The following WDFY4 variants were observed in gnomAD, a reference collection of about 807,000 sequenced individuals.
The protein encoded by WDFY4 is WD repeat- and FYVE domain-containing protein 4.
In WDFY4, 169 loss-of-function variants were observed where a neutral mutation model predicts 351.9. That is an observed-to-expected ratio of 0.48 (90% confidence interval 0.42 to 0.55). The LOEUF (loss-of-function observed/expected upper bound fraction) is 0.55. Among genes scored for constraint, WDFY4 ranks in the 20% least tolerant of loss-of-function variants. The pLI is 0.00. For synonymous variants in WDFY4, 1,622 were observed against 1,574.6 expected, an observed-to-expected ratio of 1.03 and a Z score of -0.71; for missense variants, 3,803 against 3,935.6, an observed-to-expected ratio of 0.97 and a Z score of 0.90.
intron 43 of WDFY4, among the ~76,000 whole-genome samples, chr10:48,881,444 A>G (rs1172575980): frequency 6.6e-6 from 1 of 152,168 alleles, no homozygotes; most frequent in African/African-American, 2.4e-5. Context: ...AGAGGGTCAC[A>G]GTGGAGCCCA....
At chr10:48,867,439 T>C in intron 40 of WDFY4, 97 bp downstream of exon 40, 1 of 719,170 alleles carries the variant, frequency 1.4e-6, no homozygotes, top group Non-Finnish European at 2.0e-6. Context: ...CGTTCTGGAT[T>C]GCTCACCAGG....
intron 39 of WDFY4, 40 bp from the exon 40 acceptor site, chr10:48,867,225 A>G: frequency 1.1e-6 from 1 of 900,858 alleles, no homozygotes; most frequent in Non-Finnish European, 1.5e-6. Flanking sequence ...ATAAAATCAC[A>G]ACTATCATTA....
At chr10:48,940,245 T>C (rs1840682824) in intron 47 of WDFY4, among the ~76,000 whole-genome samples, 1 of 152,256 alleles carries the variant, frequency 6.6e-6, no homozygotes, top group Non-Finnish European at 1.5e-5. Flanking sequence ...GAACCATATC[T>C]TCACTTGACC....
At position 48,832,538 on chromosome 10, in the gene WDFY4, T is replaced by C. The variant is rs920369821; in HGVS notation, c.6527-35T>C. The C allele has an allele frequency of 4.6e-6, 7 of 1,510,178 alleles. No homozygotes were observed. The African/African-American group carries it at 8.3e-5, about 18-fold the overall frequency. 93.5% of individuals were successfully genotyped at this position (1,510,178 alleles called of 1,614,324 possible). A position where few individuals can be genotyped will look rare whatever the true frequency, so the allele number is the denominator to read the frequency against. On this transcript the variant is annotated intron_variant, in intron 38 of 61. Coordinates refer to ENST00000325239, the MANE Select transcript of WDFY4 (RefSeq NM_001394531.1). ...CTATAAAAATAGTGTGTGCTCTCACTTCACCTCTGACATTCTTTGCTTCCC... is the reference window on the plus strand; with the variant it reads ...CTATAAAAATAGTGTGTGCTCTCACCTCACCTCTGACATTCTTTGCTTCCC...
intron 9 of WDFY4, among the ~76,000 whole-genome samples, chr10:48,732,863 T>C (rs1347967156): frequency 6.6e-6 from 1 of 152,156 alleles, no homozygotes; most frequent in Non-Finnish European, 1.5e-5. Flanking sequence ...TGGACCCAGC[T>C]CCTCCCTGGG....
chr10:48,909,266 G>T (rs1837796045), intron 47 of WDFY4, among the ~76,000 whole-genome samples: 1 of 152,128 alleles, frequency 6.6e-6, no homozygotes, highest in Admixed American at 6.5e-5. Context: ...ATACAAGTCT[G>T]CCATTTTATT....
chr10:48,889,187 C>A (rs2070587092), intron 43 of WDFY4, among the ~76,000 whole-genome samples: 1 of 152,214 alleles, frequency 6.6e-6, no homozygotes, highest in African/African-American at 2.4e-5. Context: ...CTTCACCAAC[C>A]TTGTTTACAG....
intron 40 of WDFY4, among the ~76,000 whole-genome samples, chr10:48,871,071 C>T (rs2069757870): frequency 6.6e-6 from 1 of 151,898 alleles, no homozygotes; most frequent in African/African-American, 2.4e-5. Flanking sequence ...GTAGCTGGGA[C>T]TACAGGCACC....
At chr10:48,909,130 C>A (rs1443013173) in intron 47 of WDFY4, among the ~76,000 whole-genome samples, 1 of 152,048 alleles carries the variant, frequency 6.6e-6, no homozygotes, top group East Asian at 1.9e-4. Flanking sequence ...GAGTAGTATT[C>A]CATGATAGAA....
intron 61 of WDFY4, among the ~76,000 whole-genome samples, chr10:48,981,901 T>A (rs1842822648): frequency 6.6e-6 from 1 of 152,224 alleles, no homozygotes. Context: ...TAGCCAAGCA[T>A]CAGTCCCGAC....
chr10:48,845,101 G>A lies in WDFY4; in HGVS notation c.6663+12392G>A, dbSNP rs1477296231. 3.9e-5 allele frequency among the ~76,000 whole-genome samples: 6 copies of A among 152,216 alleles called. No homozygotes were observed. The East Asian group carries it at 1.2e-3, about 29-fold the overall frequency. Reference sequence around the variant, plus strand: ...ATGGGCTTGTATATTTGAGAGCAGAGAGAGGCCCATGTGGCTGGGCACAGA... The same window carrying A: ...ATGGGCTTGTATATTTGAGAGCAGAAAGAGGCCCATGTGGCTGGGCACAGA... On this transcript the variant is annotated intron_variant, in intron 39 of 61. Transcript: ENST00000325239.
At chr10:48,690,204 C>T (rs191145341) in intron 1 of WDFY4, among the ~76,000 whole-genome samples, 2 of 152,308 alleles carry the variant, frequency 1.3e-5, no homozygotes, top group Admixed American at 1.3e-4. Context: ...TCTGAGCATC[C>T]AGTTATTACA....
chr10:48,775,537 G>A (rs1246182417), intron 14 of WDFY4, among the ~76,000 whole-genome samples, 175 bp from the exon 15 acceptor site: 1 of 152,174 alleles, frequency 6.6e-6, no homozygotes, highest in East Asian at 1.9e-4. Flanking sequence ...TCTCTGGTCT[G>A]GTCTGGCTGG....
At chr10:48,903,174 G>T (rs938657460) in intron 47 of WDFY4, among the ~76,000 whole-genome samples, 1 of 151,922 alleles carries the variant, frequency 6.6e-6, no homozygotes, top group Admixed American at 6.6e-5. Context: ...ACCCAGGGAA[G>T]AGCAAGGCAT....
intron 39 of WDFY4, among the ~76,000 whole-genome samples, chr10:48,834,077 G>C (rs923535760): frequency 1.3e-5 from 2 of 152,220 alleles, no homozygotes; most frequent in African/African-American, 2.4e-5. Flanking sequence ...CTGATGCTAA[G>C]AGCTAAGGGC....
At chr10:48,766,119 A>G (rs996501043) in intron 13 of WDFY4, among the ~76,000 whole-genome samples, 1 of 151,366 alleles carries the variant, frequency 6.6e-6, no homozygotes, top group Non-Finnish European at 1.5e-5. Context: ...GGAAATTGGT[A>G]AAGTAGGACT....
chr10:48,685,722 T>C (rs906018216), intron 1 of WDFY4, among the ~76,000 whole-genome samples: 3 of 151,948 alleles, frequency 2.0e-5, no homozygotes, highest in Non-Finnish European at 2.9e-5. Context: ...GTGGGGGGGC[T>C]GGTTTGATAA....
intron 1 of WDFY4, among the ~76,000 whole-genome samples, chr10:48,694,181 C>T (rs1211646559): frequency 1.3e-5 from 2 of 152,052 alleles, no homozygotes; most frequent in African/African-American, 4.8e-5. Context: ...TGCAAAGTTC[C>T]CCTGTCATTT....
rs552621362 is a variant in WDFY4, at chr10:48,919,717, T to G, written c.7586+17854T>G. ...TGGCATAAATTCCATTTATGAAGTC[T>G]CCACCCTCAAGATCTAATTTCCTCA... is the stretch of plus-strand genomic sequence containing the variant. On this transcript the variant is annotated intron_variant, in intron 47 of 61. Transcript: ENST00000325239. Among the ~76,000 whole-genome samples, 9 of 152,326 alleles carry G rather than the reference T, an allele frequency of 5.9e-5. 1 individual carries two copies. The South Asian group carries it at 1.9e-3, about 32-fold the overall frequency.
Sources: allele counts gnomAD v4.1 joint callset (sites outside exome capture counted in the v4.1 genomes callset), GRCh38; gene constraint gnomAD v4.1.1; transcripts MANE v1.5; gene names NCBI Gene and HGNC (gene_info 2026-07-23, HGNC 2026-07-21).